Variants in SH3PXD2A observed in about 807,000 individuals in gnomAD.
The protein encoded by SH3PXD2A is SH3 and PX domains 2A.
In SH3PXD2A, 32 loss-of-function variants were observed where a neutral mutation model predicts 115.2. That is an observed-to-expected ratio of 0.28 (90% CI 0.21 to 0.37). SH3PXD2A has a LOEUF of 0.37. Among genes scored for constraint, SH3PXD2A ranks in the 10% least tolerant of loss-of-function variants. SH3PXD2A has a pLI of 1.00. For synonymous variants in SH3PXD2A, 610 were observed against 629.1 expected (o/e 0.97, Z 0.45); for missense variants, 1,328 against 1,498.7 (o/e 0.89, Z 1.88).
chr10:103,649,260 C>T (rs2037083074), intron 8 of SH3PXD2A, among the ~76,000 whole-genome samples: 1 of 152,220 alleles, frequency 6.6e-6, no homozygotes, highest in South Asian at 2.1e-4. Flanking sequence ...ACCATGGCCA[C>T]TGTCTCCACT....
At position 103,608,865 on chromosome 10, in the gene SH3PXD2A, A is replaced by G. The variant is rs553758839; in HGVS notation, c.1308+2716T>C. ...AGCTGAATCTCAAAATGAAAATTAA[A>G]AAGCAGAGAAATCTCCTGTAATCGT... On this transcript the variant is annotated intron_variant, in intron 13 of 14. Coordinates refer to ENST00000369774, the MANE Select transcript of SH3PXD2A (RefSeq NM_001394015.1). The G allele has an allele frequency of 2.6e-5, 4 of 151,770 alleles. No homozygotes were observed. The South Asian group carries it at 8.3e-4, about 31-fold the overall frequency. 9.4% of individuals were successfully genotyped at this position (151,770 alleles called of 1,614,324 possible).
At chr10:103,825,320 A>G (rs752339453) in intron 1 of SH3PXD2A, among the ~76,000 whole-genome samples, 4 of 152,090 alleles carry the variant, frequency 2.6e-5, no homozygotes, top group Non-Finnish European at 4.4e-5. Context: ...TTTTCCTAGG[A>G]CAGTATCATT....
At chr10:103,796,396 AAAAG>A (rs1023177166) in intron 2 of SH3PXD2A, among the ~76,000 whole-genome samples, 2 of 151,104 alleles carry the variant, frequency 1.3e-5, no homozygotes, top group African/African-American at 4.9e-5. Context: ...AAAAAAAAAA[AAAAG>A]AGAGAGAGAG....
rs1592291700 is a variant in SH3PXD2A at position 103,668,758 on chromosome 10, G to A, written c.428-106C>T. 1.4e-5 allele frequency: 14 copies of A among 1,008,830 alleles called. No individual in the cohort carries two copies. The East Asian group carries it at 1.6e-4, about 11-fold the overall frequency. The allele number at this position is 1,008,830 out of a possible 1,614,324, so 62.5% of individuals were successfully genotyped here. A position where few individuals can be genotyped will look rare whatever the true frequency, so the allele number is the denominator to read the frequency against. ...GTGAGTGGCTGCAGGCGCCGCGCTCGGCCAGCCGCGGGCGGAAGGCGGAGG... is the reference window on the plus strand; with the variant it reads ...GTGAGTGGCTGCAGGCGCCGCGCTCAGCCAGCCGCGGGCGGAAGGCGGAGG... On this transcript the variant is annotated intron_variant, in intron 6 of 14. Transcript: ENST00000369774.
Position 103,655,908 on chromosome 10 carries a change from A to C in SH3PXD2A, c.604+5075T>G, listed in dbSNP as rs74777765. ...GCAGGAACCTCATGGATGTATACAC[A>C]ATTAGCACAAAGTATTCAAGTATTC... On this transcript the variant is annotated intron_variant, in intron 8 of 14. Coordinates refer to ENST00000369774, the MANE Select transcript of SH3PXD2A (RefSeq NM_001394015.1). Among the ~76,000 whole-genome samples, 3 of 152,290 alleles carry C rather than the reference A, an allele frequency of 2.0e-5. No homozygotes were observed. In the East Asian group the frequency reaches 5.8e-4, roughly 29 times the overall value.
chr10:103,770,751 G>C (rs2038808810), intron 2 of SH3PXD2A, among the ~76,000 whole-genome samples: 1 of 152,130 alleles, frequency 6.6e-6, no homozygotes, highest in African/African-American at 2.4e-5. Flanking sequence ...GGGCTCTGCT[G>C]GCTTATCCTG....
At chr10:103,628,060 G>A (rs1030840780) in intron 8 of SH3PXD2A, among the ~76,000 whole-genome samples, 2 of 152,202 alleles carry the variant, frequency 1.3e-5, no homozygotes, top group Admixed American at 6.5e-5. Flanking sequence ...ACCATCCACC[G>A]CGGCAAGTGG....
intron 6 of SH3PXD2A, among the ~76,000 whole-genome samples, chr10:103,681,342 A>G (rs1160526784): frequency 1.3e-5 from 2 of 152,084 alleles, no homozygotes; most frequent in African/African-American, 2.4e-5. Context: ...TCCAGGCACC[A>G]TTCATCTTGG....
chr10:103,612,238 C>T (rs981723756), intron 12 of SH3PXD2A, among the ~76,000 whole-genome samples: 3 of 152,164 alleles, frequency 2.0e-5, no homozygotes, highest in Non-Finnish European at 4.4e-5. Flanking sequence ...CCTGGAGTCT[C>T]CTGTAGAAAT....
chr10:103,716,425 C>A (rs1346216299), intron 5 of SH3PXD2A, among the ~76,000 whole-genome samples: 1 of 152,200 alleles, frequency 6.6e-6, no homozygotes, highest in East Asian at 1.9e-4. Context: ...TTCTACTGTA[C>A]AACAGAGGGT....
chr10:103,717,734 C>T (rs1470998595), intron 5 of SH3PXD2A, among the ~76,000 whole-genome samples: 1 of 152,218 alleles, frequency 6.6e-6, no homozygotes, highest in Non-Finnish European at 1.5e-5. Context: ...TTCTGGGTCA[C>T]GCAGTTGACC....
chr10:103,855,126 A>G (rs4918064), intron 1 of SH3PXD2A, 69 bp downstream of exon 1: 1,171,431 of 1,172,562 alleles, frequency 1, 585,162 homozygotes, highest in East Asian at 1. Context: ...TGGGAGGGGC[A>G]AGGGGCCATC....
At chr10:103,611,254 A>G (rs2036423141) in intron 13 of SH3PXD2A, among the ~76,000 whole-genome samples, 1 of 152,228 alleles carries the variant, frequency 6.6e-6, no homozygotes. Context: ...CAGGAGCCCC[A>G]TTTCCAGCCT....
At chr10:103,695,601 G>A (rs1269796750) in intron 5 of SH3PXD2A, among the ~76,000 whole-genome samples, 1 of 151,928 alleles carries the variant, frequency 6.6e-6, no homozygotes, top group Non-Finnish European at 1.5e-5. Context: ...GTGATTCTCA[G>A]CCTGCTATTC....
At chr10:103,653,491 T>C (rs956095804) in intron 8 of SH3PXD2A, among the ~76,000 whole-genome samples, 5 of 152,146 alleles carry the variant, frequency 3.3e-5, no homozygotes, top group African/African-American at 1.2e-4. Flanking sequence ...CACTAACCCA[T>C]ATATTTTGCT....
chr10:103,801,330 G>A lies in SH3PXD2A; in HGVS notation c.105C>T (p.Ser35=). The A allele has an allele frequency of 6.2e-7, 1 of 1,611,884 alleles. No homozygotes were observed. Among genetic ancestry groups the A allele is most frequent in the Non-Finnish European group, 8.5e-7 (1 of 1,177,992 alleles). ...ACCTCCGGTAGATAGTCTGGGAGGT[G>A]GAGTCAGACCAGGTCACATTGATTA... The part of the protein sequence containing the change: ...VYIINVTWSD[S]TSQTIYRRYS... The change falls in exon 2 of 15, where the codon TCC becomes TCT. Residue 35 remains serine, a synonymous_variant. Coordinates refer to ENST00000369774, the MANE Select transcript of SH3PXD2A (RefSeq NM_001394015.1).
chr10:103,760,439 A>G (rs1448721009), intron 3 of SH3PXD2A, among the ~76,000 whole-genome samples: 2 of 152,076 alleles, frequency 1.3e-5, no homozygotes, highest in African/African-American at 2.4e-5. Flanking sequence ...GCATGGTGGC[A>G]CGCAACTGTA....
chr10:103,662,440 C>T (rs1047544508), intron 7 of SH3PXD2A, among the ~76,000 whole-genome samples: 3 of 130,300 alleles, frequency 2.3e-5, no homozygotes, highest in African/African-American at 7.6e-5. Context: ...TCGCCCAGGC[C>T]GGACTGCGGA....
intron 2 of SH3PXD2A, among the ~76,000 whole-genome samples, chr10:103,769,177 T>TGCGCGCGCGCGCGCGC (rs1168636744): frequency 8.9e-6 from 1 of 112,532 alleles, no homozygotes; most frequent in African/African-American, 3.3e-5. Flanking sequence ...TGTGTGTGTG[T>TGCGCGCGCGCGCGCGC]GTGTGCGCGC....
Sources: gnomAD v4.1 joint callset for allele counts (sites outside exome capture counted in the v4.1 genomes callset) on GRCh38, gnomAD v4.1.1 for gene constraint, MANE v1.5 for transcripts, NCBI Gene and HGNC (gene_info 2026-07-23, HGNC 2026-07-21) for gene names.